SRPX2: variants seen among roughly 807,000 people sequenced by gnomAD.
The protein encoded by SRPX2 is sushi repeat containing protein X-linked 2.
A neutral mutation model predicts 45.3 loss-of-function variants in SRPX2; 26 were observed. That is an observed-to-expected ratio of 0.57 (90% confidence interval 0.42 to 0.80). SRPX2 has a LOEUF of 0.80. Ranked by LOEUF, SRPX2 falls within the 30% of genes least tolerant of loss-of-function variation. SRPX2 has a pLI of 0.00. For missense variants in SRPX2, 355 were observed against 399.8 expected (o/e 0.89, Z 0.95); for synonymous variants, 125 against 143.7 (o/e 0.87, Z 0.93).
chrX:100,656,801 A>G (rs993320580), intron 3 of SRPX2, among the ~76,000 whole-genome samples: 3 of 111,864 alleles, frequency 2.7e-5, no homozygotes, highest in Non-Finnish European at 5.6e-5. Context: ...TCCCTTTGAT[A>G]TCTTGATTTC....
intron 10 of SRPX2, 115 bp from the exon 11 acceptor site, chrX:100,670,692 G>C: frequency 1.3e-6 from 1 of 784,444 alleles, no homozygotes; most frequent in Non-Finnish European, 1.9e-6. Context: ...GACCAGGGAT[G>C]AGGTGGGGAA....
intron 9 of SRPX2, among the ~76,000 whole-genome samples, chrX:100,668,337 A>G (rs888277242): frequency 6.2e-4 from 34 of 54,659 alleles, no homozygotes; most frequent in Non-Finnish European, 1.0e-3. Flanking sequence ...CAAAAAAAAA[A>G]AAAAAGAAAA....
intron 7 of SRPX2, among the ~76,000 whole-genome samples, 167 bp downstream of exon 7, chrX:100,665,824 T>C (rs754622983): frequency 9.8e-5 from 11 of 112,209 alleles, no homozygotes; most frequent in Admixed American, 8.5e-4. Flanking sequence ...GCGTTACATG[T>C]GCATACATAT....
chrX:100,652,921 A>G (rs897046583), intron 3 of SRPX2, among the ~76,000 whole-genome samples: 3 of 111,164 alleles, frequency 2.7e-5, no homozygotes, highest in African/African-American at 9.8e-5. Flanking sequence ...TACAACCTGA[A>G]ATGACATCTC....
intron 2 of SRPX2, among the ~76,000 whole-genome samples, chrX:100,649,023 C>T (rs755564275): frequency 3.6e-5 from 4 of 112,217 alleles, no homozygotes; most frequent in Non-Finnish European, 3.8e-5. Context: ...TAGTACCTAC[C>T]CTGCTGACAT....
At chrX:100,669,422 G>GGGGA in intron 10 of SRPX2, 53 bp downstream of exon 10, 3 of 319,098 alleles carry the variant, frequency 9.4e-6, no homozygotes, top group Non-Finnish European at 1.8e-5. Flanking sequence ...GGGGCGGGGG[G>GGGGA]AGAAACCCTA....
At chrX:100,669,744 C>T (rs779441892) in intron 10 of SRPX2, among the ~76,000 whole-genome samples, 1 of 103,615 alleles carries the variant, frequency 9.7e-6, no homozygotes, top group African/African-American at 3.5e-5. Flanking sequence ...TCTTTGCCTT[C>T]AGTCTCCAAA....
At chrX:100,669,402 A>AGGGG in intron 10 of SRPX2, 33 bp downstream of exon 10, 4 of 27,573 alleles carry the variant, frequency 1.5e-4, no homozygotes, top group Non-Finnish European at 1.8e-4. Flanking sequence ...ACTTGGGGGG[A>AGGGG]GGGGGGGCTG....
At chrX:100,662,704 C>G (rs888652219) in intron 4 of SRPX2, among the ~76,000 whole-genome samples, 7 of 112,284 alleles carry the variant, frequency 6.2e-5, no homozygotes, top group African/African-American at 2.3e-4. Flanking sequence ...GTCTTAGACT[C>G]TTTTCCACTT....
At chrX:100,651,114 G>A (rs2083151724) in intron 3 of SRPX2, 3 of 383,591 alleles carry the variant, frequency 7.8e-6, no homozygotes, top group Non-Finnish European at 1.4e-5. Context: ...CTAATCCTGT[G>A]CAAGGTAAGC....
At chrX:100,655,871 T>G (rs1203551084) in intron 3 of SRPX2, among the ~76,000 whole-genome samples, 4 of 101,940 alleles carry the variant, frequency 3.9e-5, no homozygotes, top group African/African-American at 1.1e-4. Flanking sequence ...TTTTTTTTTT[T>G]TTTTTTTTTA....
chrX:100,673,684 CTTAT>C lies in SRPX2; in HGVS notation c.*2701_*2704del, dbSNP rs1200623616. 9.0e-6 allele frequency: 1 copy of C among 111,548 alleles called. No homozygotes were observed. Among genetic ancestry groups the C allele is most frequent in the South Asian group, 3.8e-4 (1 of 2,647 alleles). 9.2% of individuals were successfully genotyped at this position (111,548 alleles called of 1,213,427 possible). ...ATTGTCCTACTTTTTGTAAATTGAA[CTTAT>C]TTAAGATATTTTAGAAGAGATGAGT... On this transcript the variant is annotated 3_prime_UTR_variant, in exon 11 of 11. Transcript: ENST00000373004.
Position 100,662,018 on chromosome X carries a change from T to G in SRPX2, c.164-158T>G, listed in dbSNP as rs112895781. The G allele has an allele frequency of 6.0e-3, 2,381 of 393,622 alleles. 39 individuals are homozygous for G. The highest frequency in any genetic ancestry group is 0.057 in the African/African-American group (2,150 of 37,453). The allele number at this position is 393,622 out of a possible 1,213,427, so 32.4% of individuals were successfully genotyped here. On this transcript the variant is annotated intron_variant, in intron 3 of 10. Transcript: ENST00000373004. ...GTTTGAAGGCTATCTTTCTTCCACT[T>G]AATTGTTTTTGCACTTTTGTCAAAA...
At chrX:100,664,747 T>C (rs1426788737) in intron 4 of SRPX2, 27 bp from the exon 5 acceptor site, 1 of 1,191,469 alleles carries the variant, frequency 8.4e-7, no homozygotes, top group Non-Finnish European at 1.1e-6. Flanking sequence ...CACAAGCCAC[T>C]GAGCTTGCCA....
intron 3 of SRPX2, among the ~76,000 whole-genome samples, chrX:100,661,694 T>C (rs2083187803): frequency 8.9e-6 from 1 of 111,949 alleles, no homozygotes; most frequent in Non-Finnish European, 1.9e-5. Flanking sequence ...GGCGTGAACG[T>C]GGGAGGCGGA....
At position 100,665,677 on chromosome X, in the gene SRPX2, T is replaced by A. The variant is rs774882836; in HGVS notation, c.781+20T>A. The A allele has an allele frequency of 8.3e-6, 10 of 1,209,865 alleles. No homozygotes were observed. Among genetic ancestry groups the A allele is most frequent in the Non-Finnish European group, 1.1e-5 (10 of 895,156 alleles). ...TACAAGGTCAGAAAGAATTATTTAG[T>A]TTCCATATTGTTCATTAATCCTGCT... On this transcript the variant is annotated intron_variant, in intron 7 of 10. Coordinates refer to ENST00000373004, the MANE Select transcript of SRPX2 (RefSeq NM_014467.3).
At chrX:100,669,790 G>A (rs867977544) in intron 10 of SRPX2, among the ~76,000 whole-genome samples, 1 of 8,140 alleles carries the variant, frequency 1.2e-4, no homozygotes, top group African/African-American at 3.7e-4. Flanking sequence ...TTTTTTTTTT[G>A]AGACACAGTT....
At chrX:100,644,847 C>G (rs1220248108) in intron 1 of SRPX2, among the ~76,000 whole-genome samples, 1 of 111,448 alleles carries the variant, frequency 9.0e-6, no homozygotes, top group African/African-American at 3.3e-5. Flanking sequence ...AACGAAGGAA[C>G]TGGATGGAGG....
At chrX:100,662,516 TC>T in intron 4 of SRPX2, 149 bp downstream of exon 4, 2 of 658,258 alleles carry the variant, frequency 3.0e-6, no homozygotes, top group Non-Finnish European at 4.7e-6. Flanking sequence ...GCAGGGCCTT[TC>T]CCCATTCTAA....
Sources: gnomAD v4.1 joint callset for allele counts (sites outside exome capture counted in the v4.1 genomes callset) on GRCh38, gnomAD v4.1.1 for gene constraint, MANE v1.5 for transcripts, NCBI Gene and HGNC (gene_info 2026-07-23, HGNC 2026-07-21) for gene names.